CSMD3: variants seen among roughly 807,000 people sequenced by gnomAD.
The protein encoded by CSMD3 is CUB and sushi domain-containing protein 3.
CSMD3 carries 177 observed loss-of-function variants against 435.2 expected under a neutral mutation model. That is an observed-to-expected ratio of 0.41 (90% CI 0.36 to 0.46). The LOEUF (loss-of-function observed/expected upper bound fraction) is 0.46. CSMD3 is among the 20% of genes least tolerant of loss of function. The pLI is 0.34. For synonymous variants in CSMD3, 1,656 were observed against 1,520.5 expected (o/e 1.09, Z -2.07); for missense variants, 4,265 against 4,504.6 (o/e 0.95, Z 1.52).
chr8:113,152,274 T>A (rs2091825092), intron 4 of CSMD3, among the ~76,000 whole-genome samples: 1 of 152,048 alleles, frequency 6.6e-6, no homozygotes, highest in Non-Finnish European at 1.5e-5. Flanking sequence ...ATCTATAGCA[T>A]AATACCACTT....
At chr8:112,853,675 C>T (rs1322847923) in intron 11 of CSMD3, among the ~76,000 whole-genome samples, 1 of 152,090 alleles carries the variant, frequency 6.6e-6, no homozygotes, top group African/African-American at 2.4e-5. Context: ...ATTTTATATC[C>T]CACTTGATAT....
At chr8:113,124,043 G>A (rs367824686) in intron 4 of CSMD3, among the ~76,000 whole-genome samples, 2 of 152,006 alleles carry the variant, frequency 1.3e-5, no homozygotes, top group Admixed American at 6.6e-5. Context: ...TTTGGGAACT[G>A]GCCTACATTT....
chr8:113,377,303 T>A, intron 1 of CSMD3: 1 of 201,324 alleles, frequency 5.0e-6, no homozygotes, highest in Non-Finnish European at 9.9e-6. Flanking sequence ...TAAAGAAGTT[T>A]ACCTTCATTA....
intron 10 of CSMD3, among the ~76,000 whole-genome samples, chr8:112,892,208 T>C (rs1381464043): frequency 6.6e-6 from 1 of 151,526 alleles, no homozygotes; most frequent in Non-Finnish European, 1.5e-5. Context: ...GCAAATGTGA[T>C]CACAGGCCAA....
intron 5 of CSMD3, among the ~76,000 whole-genome samples, chr8:113,085,501 A>G (rs1003209357): frequency 3.9e-5 from 6 of 152,212 alleles, no homozygotes; most frequent in African/African-American, 1.4e-4. Flanking sequence ...AGCACTATTC[A>G]CAGTAACTAA....
chr8:112,815,178 G>T (rs1272495038), intron 12 of CSMD3, among the ~76,000 whole-genome samples: 1 of 151,986 alleles, frequency 6.6e-6, no homozygotes, highest in Non-Finnish European at 1.5e-5. Flanking sequence ...AATAATGTAT[G>T]GTTTTTAAAA....
intron 13 of CSMD3, among the ~76,000 whole-genome samples, chr8:112,694,636 C>T (rs1371428373): frequency 1.3e-5 from 2 of 152,028 alleles, no homozygotes; most frequent in Non-Finnish European, 2.9e-5. Context: ...TAAACATGCA[C>T]CTAGTATGTA....
intron 35 of CSMD3, among the ~76,000 whole-genome samples, chr8:112,394,924 A>C (rs777678446): frequency 6.6e-6 from 1 of 152,202 alleles, no homozygotes; most frequent in Non-Finnish European, 1.5e-5. Context: ...TGAATAAATC[A>C]CTGAAGAACT....
intron 45 of CSMD3, among the ~76,000 whole-genome samples, chr8:112,322,670 G>A (rs1448284317): frequency 6.6e-6 from 1 of 151,894 alleles, no homozygotes; most frequent in Non-Finnish European, 1.5e-5. Flanking sequence ...ATATTGCCAG[G>A]CTAAACATCT....
chr8:112,754,691 A>G (rs1357819880), intron 13 of CSMD3, among the ~76,000 whole-genome samples: 1 of 152,146 alleles, frequency 6.6e-6, no homozygotes, highest in Non-Finnish European at 1.5e-5. Flanking sequence ...ATTTACTTCA[A>G]AATAGGAAAT....
At chr8:112,594,805 C>T (rs1170046060) in intron 22 of CSMD3, among the ~76,000 whole-genome samples, 3 of 152,122 alleles carry the variant, frequency 2.0e-5, no homozygotes, top group African/African-American at 7.2e-5. Context: ...GCTGAGGGTC[C>T]TGTCTGTTAG....
chr8:113,124,141 A>C (rs965152900), intron 4 of CSMD3, among the ~76,000 whole-genome samples: 2 of 152,128 alleles, frequency 1.3e-5, no homozygotes, highest in South Asian at 4.1e-4. Flanking sequence ...GTTTATATTA[A>C]TGTCATAGGA....
intron 16 of CSMD3, among the ~76,000 whole-genome samples, chr8:112,680,132 A>G (rs992776308): frequency 6.6e-6 from 1 of 152,166 alleles, no homozygotes; most frequent in Admixed American, 6.5e-5. Context: ...AGGCAGGCGG[A>G]TGACCTGAGG....
At chr8:112,509,793 A>G (rs1256673196) in intron 28 of CSMD3, among the ~76,000 whole-genome samples, 1 of 152,110 alleles carries the variant, frequency 6.6e-6, no homozygotes, top group Non-Finnish European at 1.5e-5. Flanking sequence ...CCATATGTAA[A>G]CTTATGATTT....
intron 6 of CSMD3, among the ~76,000 whole-genome samples, chr8:112,986,602 A>G (rs1400797879): frequency 6.6e-6 from 1 of 152,162 alleles, no homozygotes; most frequent in African/African-American, 2.4e-5. Flanking sequence ...TATATTCATT[A>G]TAAAAATACA....
In CSMD3 at chr8:112,645,105, T is replaced by A. The variant is rs2131612234; in HGVS notation, c.3310+4A>T. Reference sequence around the variant, plus strand: ...TCCAATTATTATTTCATGAGGCAAATTACCTTTTCCATGGGTTACATCAAC... The same window carrying A: ...TCCAATTATTATTTCATGAGGCAAAATACCTTTTCCATGGGTTACATCAAC... On this transcript the variant is annotated splice_donor_region_variant and intron_variant, in intron 20 of 70. Coordinates refer to ENST00000297405, the MANE Select transcript of CSMD3 (RefSeq NM_198123.2). 1 of 1,394,408 alleles carries A rather than the reference T, an allele frequency of 7.2e-7. No individual in the cohort carries two copies. The allele number at this position is 1,394,408 out of a possible 1,614,324, so 86.4% of individuals were successfully genotyped here.
chr8:112,870,481 T>TCTACAGAGAC (rs1564047632), intron 10 of CSMD3, among the ~76,000 whole-genome samples: 2 of 151,820 alleles, frequency 1.3e-5, no homozygotes, highest in African/African-American at 4.8e-5. Context: ...TTTCACAGTG[T>TCTACAGAGAC]TAGCCAGGAT....
At chr8:113,077,721 A>AAAAACT (rs2089403146) in intron 5 of CSMD3, among the ~76,000 whole-genome samples, 1 of 152,168 alleles carries the variant, frequency 6.6e-6, no homozygotes, top group Non-Finnish European at 1.5e-5. Context: ...AAACAAAAAC[A>AAAAACT]AAACTCTAAG....
intron 3 of CSMD3, among the ~76,000 whole-genome samples, chr8:113,254,196 T>C (rs2093360185): frequency 6.6e-6 from 1 of 152,062 alleles, no homozygotes; most frequent in Non-Finnish European, 1.5e-5. Context: ...TTTAGGCAGT[T>C]AGTGAGGATA....
Sources: gnomAD v4.1 joint callset for allele counts (sites outside exome capture counted in the v4.1 genomes callset) on GRCh38, gnomAD v4.1.1 for gene constraint, MANE v1.5 for transcripts, NCBI Gene and HGNC (gene_info 2026-07-23, HGNC 2026-07-21) for gene names.